PCDHGA3: variants seen among roughly 807,000 people sequenced by gnomAD.
PCDHGA3 encodes the protein protocadherin gamma-A3.
In PCDHGA3, 40 loss-of-function variants were observed where a neutral mutation model predicts 58.5. That is an observed-to-expected ratio of 0.68 (90% CI 0.53 to 0.89). The LOEUF (loss-of-function observed/expected upper bound fraction) is 0.89. PCDHGA3 is among the 40% of genes least tolerant of loss of function. The probability of loss-of-function intolerance (pLI) is 0.00; values close to 1 mark genes in which losing one functional copy is unlikely to be tolerated. For synonymous variants in PCDHGA3, 530 were observed against 525.7 expected, an observed-to-expected ratio of 1.01 and a Z score of -0.11; for missense variants, 1,223 against 1,195.9, an observed-to-expected ratio of 1.02 and a Z score of -0.33.
rs191354649 is a variant in PCDHGA3 at position 141,510,446 on chromosome 5, C to T, written c.2573-501C>T. 8.9e-4 allele frequency among the ~76,000 whole-genome samples: 135 copies of T among 152,154 alleles called. 1 individual carries two copies. Among genetic ancestry groups the T allele is most frequent in the Non-Finnish European group, 1.7e-3 (114 of 68,010 alleles). On this transcript the variant is annotated intron_variant, in intron 3 of 3. Coordinates refer to ENST00000253812, the MANE Select transcript of PCDHGA3 (RefSeq NM_018916.4). ...TTTCATGGCTGCTGCCCTCCAGGAG[C>T]CCATGGTCTAGTGTGGGAGTCAGAG...
At chr5:141,427,922 G>T (rs949317839) in intron 1 of PCDHGA3, 2 of 1,580,624 alleles carry the variant, frequency 1.3e-6, no homozygotes, top group African/African-American at 1.3e-5. Context: ...ACATGAGCCG[G>T]CGCATGTTGG....
At chr5:141,380,929 C>T (rs1385655578) in intron 1 of PCDHGA3, among the ~76,000 whole-genome samples, 1 of 152,234 alleles carries the variant, frequency 6.6e-6, no homozygotes, top group East Asian at 1.9e-4. Flanking sequence ...AATAATCATA[C>T]ACTTTGCTTG....
rs1757496781 is a variant in PCDHGA3 at position 141,344,955 on chromosome 5, G to C, written c.922G>C (p.Asp308His). 2.5e-6 allele frequency: 4 copies of C among 1,613,700 alleles called. No individual in the cohort carries two copies. Among genetic ancestry groups the C allele is most frequent in the Admixed American group, 1.7e-5 (1 of 59,992 alleles). ...SGEVSILKSL[D>H]YEDAMFYEIK... The stretch of plus-strand genomic sequence containing the variant: ...AGAAGTATCAATATTAAAAAGTCTA[G>C]ATTATGAGGATGCCATGTTCTATGA... Residue 308 changes from aspartate to histidine, a missense_variant, in exon 1 of 4, where the codon GAT (aspartate) becomes CAT (histidine). Asp to His is a moderately conservative substitution (Grantham distance 81, BLOSUM62 -1). Coordinates refer to ENST00000253812, the MANE Select transcript of PCDHGA3 (RefSeq NM_018916.4).
At chr5:141,420,382 C>CA (rs1414569792) in intron 1 of PCDHGA3, 5 of 1,300,530 alleles carry the variant, frequency 3.8e-6, no homozygotes, top group Non-Finnish European at 5.1e-6. Flanking sequence ...ATAGAGTTCG[C>CA]AAAATATAGG....
rs367550413 is a variant in PCDHGA3 at position 141,344,898 on chromosome 5, G to T, written c.865G>T (p.Ala289Ser). The T allele has an allele frequency of 1.2e-6, 2 of 1,613,568 alleles. No homozygotes were observed. Among genetic ancestry groups the T allele is most frequent in the Non-Finnish European group, 1.7e-6 (2 of 1,179,712 alleles). Reference protein sequence around the residue: ...YILDKMPGKIAEIFHLNSVSG... With the variant: ...YILDKMPGKISEIFHLNSVSG... ...TCTAGATAAAATGCCTGGGAAAATC[G>T]CTGAGATTTTCCATCTTAACTCAGT... Residue 289 changes from alanine to serine, a missense_variant, in exon 1 of 4, where the codon GCT becomes TCT. Physicochemically the swap from Ala to Ser is moderately conservative, Grantham distance 99. This residue lies in a region of PCDHGA3 where 791 missense variants were observed against 708.5 expected (regional missense o/e 1.12). Transcript: ENST00000253812.
At chr5:141,370,339 ATTAT>A (rs1300420900) in intron 1 of PCDHGA3, 18 of 1,464,644 alleles carry the variant, frequency 1.2e-5, no homozygotes, top group Non-Finnish European at 1.7e-5. Flanking sequence ...AACTCTTGGG[ATTAT>A]TTAAAGATCT....
At position 141,399,354 on chromosome 5, in the gene PCDHGA3, G is replaced by A. The variant is rs559321354; in HGVS notation, c.2424+52897G>A. The A allele has an allele frequency of 3.7e-6, 6 of 1,614,008 alleles. No homozygotes were observed. The Admixed American group carries it at 1.0e-4, about 27-fold the overall frequency. On this transcript the variant is annotated intron_variant, in intron 1 of 3. Coordinates refer to ENST00000253812, the MANE Select transcript of PCDHGA3 (RefSeq NM_018916.4). ...TAACAGATGGAACCCTAGACCGAGA[G>A]CAAACCCCGGAGTACAATGTCACCA...
chr5:141,490,906 G>A lies in PCDHGA3; in HGVS notation c.2425-3901G>A, dbSNP rs2099705910. 1 of 1,613,798 alleles carries A rather than the reference G, an allele frequency of 6.2e-7. No individual in the cohort carries two copies. Among genetic ancestry groups the A allele is most frequent in the Non-Finnish European group, 8.5e-7 (1 of 1,179,808 alleles). ...CACATCTCTGCATGTGTTTGTCCTA[G>A]ACGAGAATGATAATGCCCCAGCTGT... On this transcript the variant is annotated intron_variant, in intron 1 of 3. Coordinates refer to ENST00000253812, the MANE Select transcript of PCDHGA3 (RefSeq NM_018916.4). The surrounding 1 kb of genome is among the most constrained non-coding windows in gnomAD (Gnocchi z 5.4).
chr5:141,443,947 T>C (rs2098410978), intron 1 of PCDHGA3, among the ~76,000 whole-genome samples: 1 of 152,082 alleles, frequency 6.6e-6, no homozygotes, highest in Non-Finnish European at 1.5e-5. Flanking sequence ...GGTTTCCTTA[T>C]TGGTATGTAT....
In PCDHGA3 at chr5:141,486,036, G is replaced by A. The variant is rs773301300; in HGVS notation, c.2425-8771G>A. ...TATTTCAGTGGTCATACCCCTGATC[G>A]TGTAAGAAACCTCTTTAGCCTGCAC... On this transcript the variant is annotated intron_variant, in intron 1 of 3. Transcript: ENST00000253812. This position sits in a 1 kb window ranked among gnomAD's most constrained non-coding sequence, Gnocchi z 5.0. 2.5e-6 allele frequency: 4 copies of A among 1,614,048 alleles called. No individual in the cohort carries two copies. Among genetic ancestry groups the A allele is most frequent in the Admixed American group, 1.7e-5 (1 of 60,004 alleles).
intron 1 of PCDHGA3, chr5:141,421,424 G>A: frequency 6.2e-7 from 1 of 1,614,092 alleles, no homozygotes. Context: ...CGCGGAGTCC[G>A]CATCGTCTCC....
chr5:141,372,289 T>C (rs1170089924), intron 1 of PCDHGA3: 1 of 1,613,228 alleles, frequency 6.2e-7, no homozygotes, highest in African/African-American at 1.3e-5. Flanking sequence ...GCGCGTACCT[T>C]GGGCGACAGG....
At chr5:141,348,476 C>A (rs1758126932) in intron 1 of PCDHGA3, among the ~76,000 whole-genome samples, 1 of 152,178 alleles carries the variant, frequency 6.6e-6, no homozygotes, top group East Asian at 1.9e-4. Flanking sequence ...GTATCACTTT[C>A]CCTGTAAGGA....
chr5:141,394,536 G>A lies in PCDHGA3; in HGVS notation c.2424+48079G>A. The A allele has an allele frequency of 1.2e-6, 2 of 1,614,188 alleles. No individual in the cohort carries two copies. Among genetic ancestry groups the A allele is most frequent in the Middle Eastern group, 1.7e-4 (1 of 6,058 alleles). Reference sequence around the variant, plus strand: ...CCTCCCCACAGACGGTTCCACTGGCGTGGAGCTGGCGCCCCGCTCCGCAGA... The same window carrying A: ...CCTCCCCACAGACGGTTCCACTGGCATGGAGCTGGCGCCCCGCTCCGCAGA... On this transcript the variant is annotated intron_variant, in intron 1 of 3. Transcript: ENST00000253812.
At chr5:141,403,281 T>A in intron 1 of PCDHGA3, 1 of 1,613,908 alleles carries the variant, frequency 6.2e-7, no homozygotes, top group Non-Finnish European at 8.5e-7. Context: ...AAAGTCCTGG[T>A]TGAAGACAGA....
intron 1 of PCDHGA3, chr5:141,351,758 T>C (rs765031042): frequency 6.2e-7 from 1 of 1,613,626 alleles, no homozygotes; most frequent in Non-Finnish European, 8.5e-7. Context: ...GCTGTTGTCC[T>C]ACGTGTCCGT....
chr5:141,364,879 A>C (rs1457697682), intron 1 of PCDHGA3: 3 of 1,613,862 alleles, frequency 1.9e-6, no homozygotes, highest in Non-Finnish European at 1.7e-6. Flanking sequence ...TGGATGTGGT[A>C]AGCGGAACTG....
At chr5:141,436,668 C>CA (rs1159051861) in intron 1 of PCDHGA3, among the ~76,000 whole-genome samples, 1 of 151,748 alleles carries the variant, frequency 6.6e-6, no homozygotes, top group South Asian at 2.1e-4. Flanking sequence ...AGTGGTTGAC[C>CA]AAAAAAAGGA....
At chr5:141,408,578 G>A (rs775312574) in intron 1 of PCDHGA3, 3 of 1,613,928 alleles carry the variant, frequency 1.9e-6, no homozygotes, top group African/African-American at 1.3e-5. Flanking sequence ...GATTGAGGAT[G>A]TTAATGACCA....
Sources: gnomAD v4.1 joint callset for allele counts (sites outside exome capture counted in the v4.1 genomes callset) on GRCh38, gnomAD v4.1.1 for gene constraint, gnomAD v4.1.1 regional missense constraint, Gnocchi (gnomAD v3.1) non-coding constraint, MANE v1.5 for transcripts, NCBI Gene and HGNC (gene_info 2026-07-23, HGNC 2026-07-21) for gene names.